Variants in LBHD1 observed in about 807,000 individuals in gnomAD.
LBHD1 encodes the protein LBH domain containing 1, also known as LBH domain-containing protein 1.
Under a neutral mutation model 31.1 loss-of-function variants are expected in LBHD1, and 28 were observed. That is an observed-to-expected ratio of 0.90 (90% CI 0.67 to 1.24). The LOEUF is 1.24. LBHD1 is among the 50% of genes most tolerant of loss of function. LBHD1 has a pLI of 0.00. For missense variants in LBHD1, 350 were observed against 323.0 expected, an observed-to-expected ratio of 1.08 and a Z score of -0.64; for synonymous variants, 105 against 116.5, an observed-to-expected ratio of 0.90 and a Z score of 0.63.
chr11:62,672,017 C>T lies in LBHD1; in HGVS notation c.-464G>A. 1 of 1,613,436 alleles carries T rather than the reference C, an allele frequency of 6.2e-7. No homozygotes were observed. The highest frequency in any genetic ancestry group is 1.1e-5 in the South Asian group (1 of 91,000). On this transcript the variant is annotated 5_prime_UTR_variant, in exon 1 of 7. Transcript: ENST00000354588. ...GCCAGGACCCAGCAGCTATTGCTGG[C>T]CACTCTGCAGGAGGCAGCGACCACG...
At chr11:62,663,444 C>A in intron 5 of LBHD1, 111 bp from the exon 6 acceptor site, 1 of 1,114,508 alleles carries the variant, frequency 9.0e-7, no homozygotes, top group Non-Finnish European at 1.3e-6. Context: ...CAGTGGCTCA[C>A]GCCTGTAATC....
At chr11:62,670,333 T>G in intron 1 of LBHD1, 1 of 386,452 alleles carries the variant, frequency 2.6e-6, no homozygotes, top group Non-Finnish European at 4.6e-6. Context: ...ACTCCTATGC[T>G]TACTGATTTT....
intron 3 of LBHD1, 65 bp from the exon 4 acceptor site, chr11:62,667,812 C>T: frequency 8.4e-7 from 1 of 1,188,624 alleles, no homozygotes; most frequent in Non-Finnish European, 1.2e-6. Context: ...AAAACTAGGC[C>T]AGGCATGCTG....
chr11:62,671,912 C>T lies in LBHD1; in HGVS notation c.-359G>A, dbSNP rs1310692231. The stretch of plus-strand genomic sequence containing the variant: ...GAGGAAGGGTGGGCGGGTGGAGAGC[C>T]CCGGACTGGAGCTCCTGCGAACTCC... On this transcript the variant is annotated 5_prime_UTR_variant, in exon 1 of 7. Transcript: ENST00000354588. The T allele has an allele frequency of 6.2e-7, 1 of 1,613,070 alleles. No homozygotes were observed. The highest frequency in any genetic ancestry group is 1.1e-5 in the South Asian group (1 of 91,078).
chr11:62,668,480 CAAAAAAAAAA>C (rs974530699), intron 3 of LBHD1: 2 of 59,172 alleles, frequency 3.4e-5, no homozygotes, highest in African/African-American at 1.5e-4. Context: ...GACTCTGTCT[CAAAAAAAAAA>C]AAAAAAAAAA....
Position 62,663,168 on chromosome 11 carries a change from A to G in LBHD1, c.762-9T>C. On this transcript the variant is annotated splice_polypyrimidine_tract_variant and intron_variant, in intron 6 of 6. Transcript: ENST00000354588. The stretch of plus-strand genomic sequence containing the variant: ...CTTTGAAGGGGCTTCCACTGAGTAA[A>G]GGGAAGAAGGAAGTATTATCCCAAA... The G allele has an allele frequency of 6.2e-7, 1 of 1,613,844 alleles. No individual in the cohort carries two copies. Among genetic ancestry groups the G allele is most frequent in the East Asian group, 2.2e-5 (1 of 44,880 alleles).
At chr11:62,669,263 T>TAA (rs1173279357) in intron 3 of LBHD1, 1 of 445,476 alleles carries the variant, frequency 2.2e-6, no homozygotes, top group Non-Finnish European at 3.0e-6. Context: ...CAGGAAAAGA[T>TAA]AAAATTACCC....
intron 1 of LBHD1, chr11:62,671,293 G>A (rs1322121933): frequency 2.3e-5 from 14 of 617,974 alleles, no homozygotes; most frequent in Non-Finnish European, 2.7e-5. Flanking sequence ...GAGTTGAGGG[G>A]ATGGAGAGGG....
At chr11:62,667,157 T>A in intron 4 of LBHD1, 1 of 1,198,126 alleles carries the variant, frequency 8.3e-7, no homozygotes, top group Non-Finnish European at 1.2e-6. Flanking sequence ...GAGTCCTGGC[T>A]TCCACATTTA....
intron 1 of LBHD1, 142 bp downstream of exon 1, chr11:62,671,422 T>C: frequency 1.6e-6 from 2 of 1,272,096 alleles, no homozygotes; most frequent in South Asian, 1.4e-5. Flanking sequence ...GACAGAAAAA[T>C]GGGCAATCAT....
At chr11:62,664,725 C>A in intron 5 of LBHD1, 124 bp downstream of exon 5, 1 of 1,285,804 alleles carries the variant, frequency 7.8e-7, no homozygotes, top group African/African-American at 1.5e-5. Flanking sequence ...TAACAGCCGA[C>A]AGACATTCCC....
intron 1 of LBHD1, chr11:62,671,269 G>A (rs1334968840): frequency 7.8e-6 from 4 of 513,472 alleles, no homozygotes; most frequent in Non-Finnish European, 1.4e-5. Context: ...ACTTGACTTT[G>A]AGTGTTTGTT....
intron 4 of LBHD1, chr11:62,667,260 T>C (rs940844320): frequency 1.6e-6 from 1 of 638,994 alleles, no homozygotes; most frequent in African/African-American, 1.8e-5. Context: ...TTACATACAA[T>C]GATGTGCGCA....
intron 4 of LBHD1, chr11:62,665,294 C>T (rs1944765364): frequency 7.0e-6 from 5 of 716,126 alleles, no homozygotes; most frequent in South Asian, 6.4e-5. Context: ...TATAAAGGAG[C>T]TCCGCGGTGC....
chr11:62,665,015 C>T (rs376585954), intron 4 of LBHD1, 42 bp from the exon 5 acceptor site: 2 of 1,602,272 alleles, frequency 1.2e-6, no homozygotes, highest in African/African-American at 1.3e-5. Flanking sequence ...GTGGGCTCGC[C>T]GCGACCCGGG....
chr11:62,666,315 A>G (rs775698786), intron 4 of LBHD1: 16 of 1,479,798 alleles, frequency 1.1e-5, no homozygotes, highest in Non-Finnish European at 1.5e-5. Flanking sequence ...GTCTCAAAAA[A>G]AAAAAAGACG....
At position 62,672,255 on chromosome 11, in the gene LBHD1, G is replaced by A. The variant is rs1320168159; in HGVS notation, c.-702C>T. The A allele has an allele frequency of 1.1e-6, 1 of 884,326 alleles. No homozygotes were observed. Among genetic ancestry groups the A allele is most frequent in the East Asian group, 2.6e-5 (1 of 37,750 alleles). 54.8% of individuals were successfully genotyped at this position (884,326 alleles called of 1,614,324 possible). ...TCCGGGGTCCTGTGAGCTGCCGTCG[G>A]GTGAGCACGTTTCCCCCAAACCCTG... On this transcript the variant is annotated 5_prime_UTR_variant, in exon 1 of 7. Coordinates refer to ENST00000354588, the MANE Select transcript of LBHD1 (RefSeq NM_024099.5).
intron 1 of LBHD1, chr11:62,671,313 T>A (rs1437949264): frequency 2.6e-6 from 2 of 773,748 alleles, no homozygotes; most frequent in Non-Finnish European, 3.9e-6. Context: ...GATGTGTATG[T>A]GTGTAGATGC....
At chr11:62,669,843 G>T in intron 2 of LBHD1, 39 bp downstream of exon 2, 2 of 1,614,200 alleles carry the variant, frequency 1.2e-6, no homozygotes, top group Non-Finnish European at 1.7e-6. Flanking sequence ...AAACTGGAGG[G>T]TAAGCCAGCT....
Sources: gnomAD v4.1 joint callset for allele counts on GRCh38, gnomAD v4.1.1 for gene constraint, MANE v1.5 for transcripts, NCBI Gene and HGNC (gene_info 2026-07-23, HGNC 2026-07-21) for gene names.